GNAL: variants seen among roughly 807,000 people sequenced by gnomAD.
The protein encoded by GNAL is G protein subunit alpha L.
Under a neutral mutation model 55.1 loss-of-function variants are expected in GNAL, and 18 were observed. That is an observed-to-expected ratio of 0.33 (90% CI 0.23 to 0.48). GNAL has a LOEUF of 0.48. Among genes scored for constraint, GNAL ranks in the 20% least tolerant of loss-of-function variants. The pLI, the probability that GNAL is intolerant of heterozygous loss-of-function variation, is 0.99. For missense variants in GNAL, 412 were observed against 614.1 expected, an observed-to-expected ratio of 0.67 and a Z score of 3.48; for synonymous variants, 253 against 237.0, an observed-to-expected ratio of 1.07 and a Z score of -0.62.
intron 1 of GNAL, among the ~76,000 whole-genome samples, chr18:11,722,349 T>C (rs1223124018): frequency 6.6e-6 from 1 of 152,258 alleles, no homozygotes; most frequent in African/African-American, 2.4e-5. Context: ...CTGATTTTTC[T>C]GACCATTGCT....
intron 4 of GNAL, among the ~76,000 whole-genome samples, chr18:11,794,173 C>G: frequency 6.6e-6 from 1 of 152,196 alleles, no homozygotes; most frequent in East Asian, 1.9e-4. Context: ...GGTGTAGCCA[C>G]TGTGGAAAAC....
chr18:11,718,181 T>C (rs891567998), intron 1 of GNAL, among the ~76,000 whole-genome samples: 2 of 152,184 alleles, frequency 1.3e-5, no homozygotes, highest in African/African-American at 4.8e-5. Context: ...AGGGGAAAAT[T>C]TGAAAAGTAA....
At chr18:11,818,524 G>T (rs1003726153) in intron 4 of GNAL, among the ~76,000 whole-genome samples, 1 of 152,176 alleles carries the variant, frequency 6.6e-6, no homozygotes, top group Non-Finnish European at 1.5e-5. Context: ...CAACTTAAAC[G>T]ACTGTGTGTG....
intron 5 of GNAL, among the ~76,000 whole-genome samples, chr18:11,835,773 C>G (rs2143706292): frequency 6.6e-6 from 1 of 152,234 alleles, no homozygotes; most frequent in Non-Finnish European, 1.5e-5. Context: ...GAAACACTTC[C>G]AAGGAATCCA....
At chr18:11,777,938 CCCAGAGTCTGGTT>C (rs1293521806) in intron 4 of GNAL, among the ~76,000 whole-genome samples, 1 of 152,118 alleles carries the variant, frequency 6.6e-6, no homozygotes, top group Non-Finnish European at 1.5e-5. Context: ...GGTTTGGAGT[CCCAGAGTCTGGTT>C]CCAGAGTCTA....
rs1362800750 is a variant in GNAL, at chr18:11,799,515, C to T, written c.625-25403C>T. 3.3e-5 allele frequency among the ~76,000 whole-genome samples: 5 copies of T among 152,272 alleles called. No homozygotes were observed. The East Asian group carries it at 5.8e-4, about 18-fold the overall frequency. ...GCCTTCAGTTTGCTATCAGCTGACA[C>T]ACCCATAGTTATTACAGCTTGACCA... On this transcript the variant is annotated intron_variant, in intron 4 of 11. Transcript: ENST00000334049.
intron 5 of GNAL, chr18:11,851,611 G>T: frequency 6.2e-7 from 1 of 1,613,766 alleles, no homozygotes; most frequent in Non-Finnish European, 8.5e-7. Flanking sequence ...GGCCGAAAAG[G>T]CCAAAATTAA....
At chr18:11,719,363 G>A (rs1361442525) in intron 1 of GNAL, among the ~76,000 whole-genome samples, 2 of 152,104 alleles carry the variant, frequency 1.3e-5, no homozygotes, top group African/African-American at 4.8e-5. Flanking sequence ...TTGCAAAACA[G>A]TCAGGGTTAC....
intron 4 of GNAL, among the ~76,000 whole-genome samples, chr18:11,770,019 A>G (rs1021536879): frequency 6.6e-6 from 1 of 152,242 alleles, no homozygotes; most frequent in Non-Finnish European, 1.5e-5. Flanking sequence ...AATCATAGGA[A>G]GGGAAAATGT....
At chr18:11,867,324 A>C (rs570317014) in intron 8 of GNAL, 98 bp downstream of exon 8, 1 of 775,942 alleles carries the variant, frequency 1.3e-6, no homozygotes, top group East Asian at 2.6e-5. Context: ...TCTAACTAAT[A>C]TGTAAAGTAT....
At chr18:11,790,661 C>CTTTTTTTTTTTTTTTTTTTTTTTT (rs397941591) in intron 4 of GNAL, among the ~76,000 whole-genome samples, 3 of 71,446 alleles carry the variant, frequency 4.2e-5, no homozygotes, top group African/African-American at 3.8e-5. Flanking sequence ...CTTTTTTTTT[C>CTTTTTTTTTTTTTTTTTTTTTTTT]TTTTTTTTTT....
intron 4 of GNAL, among the ~76,000 whole-genome samples, chr18:11,808,992 C>G (rs1329954632): frequency 6.6e-6 from 1 of 152,172 alleles, no homozygotes; most frequent in Non-Finnish European, 1.5e-5. Flanking sequence ...CATGGTGGCT[C>G]GTGCCTATAA....
chr18:11,839,410 G>T (rs1431358996), intron 5 of GNAL, among the ~76,000 whole-genome samples: 3 of 151,614 alleles, frequency 2.0e-5, no homozygotes, highest in African/African-American at 7.3e-5. Flanking sequence ...AAATTAGCTG[G>T]GCCATGGTGG....
chr18:11,822,013 A>G (rs16976687), intron 4 of GNAL, among the ~76,000 whole-genome samples: 10,900 of 152,334 alleles, frequency 0.072, 604 homozygotes, highest in African/African-American at 0.15. Flanking sequence ...AAGCAAGGGC[A>G]TCTGATAGGA....
At chr18:11,862,567 C>A in intron 6 of GNAL, 118 bp downstream of exon 6, 1 of 864,670 alleles carries the variant, frequency 1.2e-6, no homozygotes, top group Non-Finnish European at 1.9e-6. Flanking sequence ...CTACTTTTTG[C>A]AAATTGTTTG....
intron 5 of GNAL, among the ~76,000 whole-genome samples, chr18:11,845,296 T>C (rs921924149): frequency 1.3e-5 from 2 of 152,184 alleles, no homozygotes; most frequent in Non-Finnish European, 2.9e-5. Context: ...ATCCTGTCCT[T>C]CTATCTTCAG....
chr18:11,822,226 G>A (rs2035115310), intron 4 of GNAL, among the ~76,000 whole-genome samples: 1 of 152,164 alleles, frequency 6.6e-6, no homozygotes, highest in African/African-American at 2.4e-5. Context: ...AATCACTTGA[G>A]CCTGGAGTTC....
intron 5 of GNAL, among the ~76,000 whole-genome samples, chr18:11,861,400 C>T (rs1324509460): frequency 1.3e-5 from 2 of 152,154 alleles, no homozygotes; most frequent in South Asian, 2.1e-4. Flanking sequence ...CTGTCCCAGC[C>T]GCGGAAGGAG....
At chr18:11,784,744 C>T (rs2034011884) in intron 4 of GNAL, among the ~76,000 whole-genome samples, 1 of 152,024 alleles carries the variant, frequency 6.6e-6, no homozygotes, top group African/African-American at 2.4e-5. Flanking sequence ...ATTTTTTCGG[C>T]CTCAGTGGAA....
Sources: allele counts gnomAD v4.1 joint callset (sites outside exome capture counted in the v4.1 genomes callset), GRCh38; gene constraint gnomAD v4.1.1; transcripts MANE v1.5; gene names NCBI Gene and HGNC (gene_info 2026-07-23, HGNC 2026-07-21).